The following SH2D4B variants were observed in gnomAD, a reference collection of about 807,000 sequenced individuals.
SH2D4B encodes the protein SH2 domain containing 4B.
In SH2D4B, 45 loss-of-function variants were observed where a neutral mutation model predicts 61.5. That is an observed-to-expected ratio of 0.73 (90% CI 0.58 to 0.94). The LOEUF is 0.94. Among genes scored for constraint, SH2D4B ranks in the 40% least tolerant of loss-of-function variants. SH2D4B has a pLI of 0.00. For missense variants in SH2D4B, 572 were observed against 574.2 expected (o/e 1.00, Z 0.04); for synonymous variants, 224 against 220.4 (o/e 1.02, Z -0.14).
At chr10:80,591,820 C>T (rs1339220719) in intron 4 of SH2D4B, among the ~76,000 whole-genome samples, 2 of 152,084 alleles carry the variant, frequency 1.3e-5, no homozygotes, top group African/African-American at 2.4e-5. Context: ...TTTATACAGG[C>T]CTGCTCTCTT....
intron 1 of SH2D4B, among the ~76,000 whole-genome samples, chr10:80,549,619 G>A (rs1447621928): frequency 2.0e-5 from 3 of 152,206 alleles, no homozygotes; most frequent in Admixed American, 6.5e-5. Flanking sequence ...AAGTCCACCC[G>A]GCGTGCACAG....
intron 3 of SH2D4B, among the ~76,000 whole-genome samples, chr10:80,588,103 A>T (rs754258971): frequency 1.2e-4 from 19 of 152,184 alleles, no homozygotes; most frequent in Non-Finnish European, 1.6e-4. Flanking sequence ...CACCTAGATG[A>T]TGAGTATTGC....
intron 6 of SH2D4B, among the ~76,000 whole-genome samples, chr10:80,621,589 A>G (rs1842717640): frequency 6.6e-6 from 1 of 152,220 alleles, no homozygotes; most frequent in Admixed American, 6.5e-5. Context: ...GGTCTCTCCA[A>G]TGTCATTTGC....
chr10:80,570,360 G>T, intron 2 of SH2D4B, 44 bp downstream of exon 2: 1 of 1,600,192 alleles, frequency 6.2e-7, no homozygotes, highest in Non-Finnish European at 8.5e-7. Context: ...AGGCATGGAA[G>T]CTATGCTTAG....
intron 7 of SH2D4B, among the ~76,000 whole-genome samples, chr10:80,643,309 G>A (rs368005285): frequency 2.0e-5 from 3 of 151,258 alleles, no homozygotes; most frequent in East Asian, 3.9e-4. Context: ...ATTCCGCTGA[G>A]GAGAGATTAA....
At chr10:80,608,986 C>T (rs1842556640) in intron 5 of SH2D4B, among the ~76,000 whole-genome samples, 2 of 152,244 alleles carry the variant, frequency 1.3e-5, no homozygotes, top group South Asian at 4.1e-4. Context: ...GGATGAGACA[C>T]GCTCATTTAC....
chr10:80,564,899 A>G (rs1461622087), intron 1 of SH2D4B, among the ~76,000 whole-genome samples: 1 of 152,268 alleles, frequency 6.6e-6, no homozygotes, highest in Non-Finnish European at 1.5e-5. Flanking sequence ...TGAGGAATGA[A>G]TGATTTGCCA....
In SH2D4B at chr10:80,539,450, CCCACCAGGTG is replaced by C. The variant is rs1435891832; in HGVS notation, c.184+940_184+949del. Reference sequence around the variant, plus strand: ...ATGCCAGGCTCACTGCTGGCCAGTCCCCACCAGGTGCCACAGGCCACACCCACATCATCTG... The same window carrying C: ...ATGCCAGGCTCACTGCTGGCCAGTCCCCACAGGCCACACCCACATCATCTG... On this transcript the variant is annotated intron_variant, in intron 1 of 7. Transcript: ENST00000646907. The surrounding 1 kb of genome is among the most constrained non-coding windows in gnomAD (Gnocchi z 4.9). Among the ~76,000 whole-genome samples, 1 of 152,218 alleles carries C rather than the reference CCCACCAGGTG, an allele frequency of 6.6e-6. No individual in the cohort carries two copies. The highest frequency in any genetic ancestry group is 1.5e-5 in the Non-Finnish European group (1 of 68,036).
At chr10:80,568,506 G>A (rs899568538) in intron 1 of SH2D4B, among the ~76,000 whole-genome samples, 6 of 152,162 alleles carry the variant, frequency 3.9e-5, no homozygotes, top group African/African-American at 1.4e-4. Flanking sequence ...TGCGGGGCTT[G>A]GTCAGTGATG....
intron 6 of SH2D4B, 26 bp from the exon 7 acceptor site, chr10:80,634,259 T>A (rs1842868171): frequency 6.7e-7 from 1 of 1,486,278 alleles, no homozygotes; most frequent in Admixed American, 2.5e-5. Flanking sequence ...TGCTGTGTTT[T>A]TTTGTTTTTT....
intron 5 of SH2D4B, among the ~76,000 whole-genome samples, chr10:80,604,898 A>G (rs1842499343): frequency 6.6e-6 from 1 of 151,460 alleles, no homozygotes; most frequent in Non-Finnish European, 1.5e-5. Context: ...GATTCACTCC[A>G]TTCTCCTGCC....
At chr10:80,575,251 C>T (rs76633256) in intron 3 of SH2D4B, among the ~76,000 whole-genome samples, 5,725 of 151,796 alleles carry the variant, frequency 0.038, 350 homozygotes, top group African/African-American at 0.13. Context: ...TTTATATGCT[C>T]ACTCACACTC....
chr10:80,571,765 C>CTT (rs368517502), intron 3 of SH2D4B, among the ~76,000 whole-genome samples, 187 bp downstream of exon 3: 2 of 143,376 alleles, frequency 1.4e-5, no homozygotes, highest in South Asian at 2.2e-4. Context: ...ACTTCTGTTT[C>CTT]TTTTTTTTTT....
chr10:80,566,060 C>T (rs959634308), intron 1 of SH2D4B, among the ~76,000 whole-genome samples: 2 of 118,942 alleles, frequency 1.7e-5, no homozygotes. Context: ...CACTGCACTC[C>T]AGCCTGGGTG....
At chr10:80,636,005 G>A (rs1840158975) in intron 7 of SH2D4B, among the ~76,000 whole-genome samples, 1 of 152,098 alleles carries the variant, frequency 6.6e-6, no homozygotes, top group Non-Finnish European at 1.5e-5. Flanking sequence ...GTGTCCAAGT[G>A]TTCTCATTGT....
intron 3 of SH2D4B, among the ~76,000 whole-genome samples, chr10:80,577,860 C>T (rs1198506068): frequency 2.0e-5 from 3 of 152,142 alleles, no homozygotes; most frequent in African/African-American, 4.8e-5. Context: ...CCACGCCTGG[C>T]CTTAGACCAC....
chr10:80,550,368 C>T (rs1221067865), intron 1 of SH2D4B, among the ~76,000 whole-genome samples: 2 of 151,948 alleles, frequency 1.3e-5, no homozygotes, highest in African/African-American at 2.4e-5. Context: ...CTGAGGTGGG[C>T]GGATCACGAG....
chr10:80,574,618 G>A (rs1195492093), intron 3 of SH2D4B, among the ~76,000 whole-genome samples: 3 of 152,144 alleles, frequency 2.0e-5, no homozygotes, highest in Non-Finnish European at 4.4e-5. Flanking sequence ...TCCTCCATGA[G>A]TGTTATTAAT....
At chr10:80,599,810 C>T (rs75181364) in intron 4 of SH2D4B, among the ~76,000 whole-genome samples, 17,684 of 152,164 alleles carry the variant, frequency 0.12, 1,208 homozygotes, top group East Asian at 0.25. Context: ...TCACAAAAGG[C>T]CTGTGTGATA....
Sources: allele counts gnomAD v4.1 joint callset (sites outside exome capture counted in the v4.1 genomes callset), GRCh38; gene constraint gnomAD v4.1.1; non-coding constraint Gnocchi (gnomAD v3.1); transcripts MANE v1.5; gene names NCBI Gene and HGNC (gene_info 2026-07-23, HGNC 2026-07-21).